ABR: variants seen among roughly 807,000 people sequenced by gnomAD.
The protein encoded by ABR is ABR activator of RhoGEF and GTPase.
A neutral mutation model predicts 107.2 loss-of-function variants in ABR; 35 were observed. The observed-to-expected ratio is 0.33, with a 90% confidence interval of 0.25 to 0.43. The LOEUF is 0.43. Among genes scored for constraint, ABR ranks in the 20% least tolerant of loss-of-function variants. The pLI, the probability that ABR is intolerant of heterozygous loss-of-function variation, is 1.00. For synonymous variants in ABR, 498 were observed against 462.0 expected, an observed-to-expected ratio of 1.08 and a Z score of -1.00; for missense variants, 815 against 1,115.2, an observed-to-expected ratio of 0.73 and a Z score of 3.83.
intron 3 of ABR, among the ~76,000 whole-genome samples, chr17:1,097,590 CAAA>C (rs57256346): frequency 1.9e-5 from 2 of 104,758 alleles, no homozygotes; most frequent in African/African-American, 3.8e-5. Flanking sequence ...GACTCCGTCT[CAAA>C]AAAAAAAAAA....
chr17:1,221,717 C>T (rs1189771243), intron 1 of ABR, among the ~76,000 whole-genome samples: 4 of 152,004 alleles, frequency 2.6e-5, no homozygotes, highest in South Asian at 2.1e-4. Context: ...GAAAAGACGC[C>T]GGATGGAATG....
intron 16 of ABR, among the ~76,000 whole-genome samples, chr17:1,047,850 T>C (rs923028247): frequency 6.6e-6 from 1 of 152,038 alleles, no homozygotes; most frequent in Non-Finnish European, 1.5e-5. Context: ...AGGGAAGCAA[T>C]GGGGCTGAAG....
Position 1,027,530 on chromosome 17 carries a change from C to T in ABR, c.1792-14366G>A, listed in dbSNP as rs2072290950. ...CCTGGCAGAGAGATCAGAGAGTACT[C>T]ATGAGGCCCCAGCAGTGAGGTCTGC... On this transcript the variant is annotated intron_variant, in intron 16 of 22. Coordinates refer to ENST00000302538, the MANE Select transcript of ABR (RefSeq NM_021962.5). The surrounding 1 kb of genome is among the most constrained non-coding windows in gnomAD (Gnocchi z 4.7). Among the ~76,000 whole-genome samples, 1 of 152,178 alleles carries T rather than the reference C, an allele frequency of 6.6e-6. No individual in the cohort carries two copies. Among genetic ancestry groups the T allele is most frequent in the South Asian group, 2.1e-4 (1 of 4,826 alleles).
At chr17:1,110,186 AC>A (rs1283785458) in intron 2 of ABR, among the ~76,000 whole-genome samples, 2 of 151,856 alleles carry the variant, frequency 1.3e-5, no homozygotes, top group South Asian at 4.2e-4. Context: ...TGGTTGCAGA[AC>A]CCCCAACTGT....
rs994687420 is a variant in ABR at position 1,050,466 on chromosome 17, C to T, written c.1659+71G>A. On this transcript the variant is annotated intron_variant, in intron 15 of 22. Transcript: ENST00000302538. This position sits in a 1 kb window ranked among gnomAD's most constrained non-coding sequence, Gnocchi z 4.6. ...TAGCTGGTCCAACCAATGGGCTGGCCGTCCCCAGCAGACAAGCCACGAGCA... is the reference window on the plus strand; with the variant it reads ...TAGCTGGTCCAACCAATGGGCTGGCTGTCCCCAGCAGACAAGCCACGAGCA... 1.9e-5 allele frequency: 27 copies of T among 1,398,460 alleles called. No individual in the cohort carries two copies. Among genetic ancestry groups the T allele is most frequent in the South Asian group, 1.8e-4 (16 of 86,786 alleles). The allele number at this position is 1,398,460 out of a possible 1,614,324, so 86.6% of individuals were successfully genotyped here.
At chr17:1,036,000 G>A (rs896343340) in intron 16 of ABR, among the ~76,000 whole-genome samples, 4 of 152,008 alleles carry the variant, frequency 2.6e-5, no homozygotes, top group African/African-American at 4.8e-5. Flanking sequence ...GGGCTGCCTC[G>A]GTGACAGCTG....
chr17:1,107,634 C>T (rs945956897), intron 2 of ABR, among the ~76,000 whole-genome samples: 1 of 152,196 alleles, frequency 6.6e-6, no homozygotes, highest in Non-Finnish European at 1.5e-5. Context: ...CTACTCCCAG[C>T]CTGACTCCTG....
intron 1 of ABR, among the ~76,000 whole-genome samples, chr17:1,165,113 G>A (rs2041455208): frequency 6.6e-6 from 1 of 152,208 alleles, no homozygotes; most frequent in African/African-American, 2.4e-5. Context: ...ATAACTTGCT[G>A]GAGGTCATAG....
At chr17:1,182,659 C>A (rs1402103555), upstream of ABR, among the ~76,000 whole-genome samples, 1 of 152,210 alleles carries the variant, frequency 6.6e-6, no homozygotes, top group African/African-American at 2.4e-5. Context: ...AGCCACCGCG[C>A]CCGGCCTGTT....
chr17:1,215,516 C>G (rs994927787), intron 1 of ABR, among the ~76,000 whole-genome samples: 6 of 152,210 alleles, frequency 3.9e-5, no homozygotes, highest in African/African-American at 1.4e-4. Flanking sequence ...GCCGGGATTG[C>G]GGACGGAGTC....
rs796608677 is a variant in ABR at position 1,203,766 on chromosome 17, G to A, written c.838+25027C>T. On this transcript the variant is annotated intron_variant, in intron 1 of 22. Transcript: ENST00000574139. ...GCCCCCCGGGCCTGCCTACACCCTGGGAACCTCGCGGGGCGAAGGGGGCTC... is the reference window on the plus strand; with the variant it reads ...GCCCCCCGGGCCTGCCTACACCCTGAGAACCTCGCGGGGCGAAGGGGGCTC... Among the ~76,000 whole-genome samples, 7 of 152,238 alleles carry A rather than the reference G, an allele frequency of 4.6e-5. 2 individuals are homozygous for A. Among genetic ancestry groups the A allele is most frequent in the African/African-American group, 1.7e-4 (7 of 41,562 alleles).
chr17:1,056,946 G>T, intron 13 of ABR, 52 bp downstream of exon 13: 1 of 1,322,214 alleles, frequency 7.6e-7, no homozygotes, highest in Non-Finnish European at 1.1e-6. Flanking sequence ...AGCCGGCCAC[G>T]CTCTGAGGGC....
At chr17:1,188,823 G>C (rs1179936559), upstream of ABR, among the ~76,000 whole-genome samples, 3 of 152,170 alleles carry the variant, frequency 2.0e-5, no homozygotes, top group African/African-American at 7.2e-5. Context: ...GGATGGAGGG[G>C]GCAGTCTGAC....
rs191373852 is a variant in ABR, at chr17:1,011,798, C to G, written c.2101+48G>C. 8 of 1,529,808 alleles carry G rather than the reference C, an allele frequency of 5.2e-6. No homozygotes were observed. The Admixed American group carries it at 1.4e-4, about 26-fold the overall frequency. 94.8% of individuals were successfully genotyped at this position (1,529,808 alleles called of 1,614,324 possible). On this transcript the variant is annotated intron_variant, in intron 19 of 22. Coordinates refer to ENST00000302538, the MANE Select transcript of ABR (RefSeq NM_021962.5). The surrounding 1 kb of genome is among the most constrained non-coding windows in gnomAD (Gnocchi z 4.8). ...GAGCTCTCCTGTCCATCCCACCAGC[C>G]TGCTCAGACACAGCCACACCTGCCC...
At chr17:1,103,573 C>G (rs937132603) in intron 2 of ABR, among the ~76,000 whole-genome samples, 9 of 152,182 alleles carry the variant, frequency 5.9e-5, no homozygotes, top group Non-Finnish European at 1.2e-4. Flanking sequence ...CCCCCTGGCA[C>G]GAGCATAGAC....
intron 16 of ABR, among the ~76,000 whole-genome samples, chr17:1,043,960 A>G (rs2031114304): frequency 6.6e-6 from 1 of 152,216 alleles, no homozygotes; most frequent in Non-Finnish European, 1.5e-5. Flanking sequence ...TCTTGGTCTC[A>G]GGCCCTTCTC....
intron 1 of ABR, among the ~76,000 whole-genome samples, chr17:1,199,097 A>C (rs1463813996): frequency 6.8e-6 from 1 of 147,432 alleles, no homozygotes; most frequent in Non-Finnish European, 1.5e-5. Context: ...ACGAGGCCCT[A>C]TCTCCTCCCA....
chr17:1,035,103 G>C (rs780159336), intron 16 of ABR, among the ~76,000 whole-genome samples: 5 of 151,808 alleles, frequency 3.3e-5, no homozygotes, highest in African/African-American at 1.2e-4. Flanking sequence ...TGGGGACAGC[G>C]CAGACTTGCC....
At chr17:1,162,960 T>C (rs996964527) in intron 1 of ABR, among the ~76,000 whole-genome samples, 6 of 152,126 alleles carry the variant, frequency 3.9e-5, no homozygotes, top group African/African-American at 2.4e-5. Context: ...TAGTCCCAGC[T>C]ACTCAGGAGG....
Sources: allele counts gnomAD v4.1 joint callset (sites outside exome capture counted in the v4.1 genomes callset), GRCh38; gene constraint gnomAD v4.1.1; non-coding constraint Gnocchi (gnomAD v3.1); transcripts MANE v1.5; gene names NCBI Gene and HGNC (gene_info 2026-07-23, HGNC 2026-07-21).